The following COG5 variants were observed in gnomAD, a reference collection of about 807,000 sequenced individuals.
COG5 encodes conserved oligomeric Golgi complex subunit 5.
In COG5, 86 loss-of-function variants were observed where a neutral mutation model predicts 110.4. The observed-to-expected ratio is 0.78, with a 90% CI of 0.65 to 0.93. COG5 has a LOEUF of 0.93. Among genes scored for constraint, COG5 ranks in the 40% least tolerant of loss-of-function variants. COG5 has a pLI of 0.00. For synonymous variants in COG5, 360 were observed against 334.6 expected, an observed-to-expected ratio of 1.08 and a Z score of -0.83; for missense variants, 1,077 against 987.0, an observed-to-expected ratio of 1.09 and a Z score of -1.22.
intron 17 of COG5, among the ~76,000 whole-genome samples, chr7:107,246,060 G>A (rs1257302488): frequency 6.6e-6 from 1 of 152,086 alleles, no homozygotes; most frequent in Non-Finnish European, 1.5e-5. Flanking sequence ...AAATAAGGTC[G>A]CACATCTGTG....
At chr7:107,283,281 T>C (rs1407121370) in intron 13 of COG5, among the ~76,000 whole-genome samples, 1 of 152,182 alleles carries the variant, frequency 6.6e-6, no homozygotes, top group Non-Finnish European at 1.5e-5. Flanking sequence ...TTGTGTAACG[T>C]AAGAAATTTA....
rs564688419 is a variant in COG5, at chr7:107,398,347, G to T, written c.669+14155C>A. On this transcript the variant is annotated intron_variant, in intron 7 of 21. Transcript: ENST00000297135. ...CCTGGGCTGCTGACCAGTAAGAGTC[G>T]GTGGCTGTTAGGAACTGGGCCACAC... Among the ~76,000 whole-genome samples the T allele has an allele frequency of 3.9e-5, 6 of 152,250 alleles. No individual in the cohort carries two copies. In the South Asian group the frequency reaches 1.2e-3, roughly 32 times the overall value.
chr7:107,311,454 C>T (rs557850745), intron 11 of COG5, among the ~76,000 whole-genome samples: 12 of 130,554 alleles, frequency 9.2e-5, no homozygotes, highest in South Asian at 2.5e-4. Flanking sequence ...ACTGCAGTGG[C>T]GCAATCTCGG....
chr7:107,491,734 A>G (rs775223960), intron 6 of COG5, among the ~76,000 whole-genome samples: 1 of 152,214 alleles, frequency 6.6e-6, no homozygotes, highest in Non-Finnish European at 1.5e-5. Context: ...TCACAATACA[A>G]TGTGAAACAA....
intron 16 of COG5, among the ~76,000 whole-genome samples, chr7:107,249,171 G>T (rs1276700029): frequency 7.2e-5 from 11 of 152,166 alleles, no homozygotes. Context: ...TTAGGTTTCA[G>T]TTGAGAGTTC....
At chr7:107,485,500 T>G (rs1272962802) in intron 6 of COG5, among the ~76,000 whole-genome samples, 7 of 152,288 alleles carry the variant, frequency 4.6e-5, no homozygotes, top group African/African-American at 1.7e-4. Flanking sequence ...GCTTACCAAT[T>G]TTACAATGTA....
rs954201314 is a variant in COG5 at position 107,386,010 on chromosome 7, G to A, written c.670-13250C>T. On this transcript the variant is annotated intron_variant, in intron 7 of 21. Transcript: ENST00000297135. ...GTTTTGTGTGTGTGTGTGTGTGTGT[G>A]TGTGTGTGTGTGTGGTTGAGTTCTG... Among the ~76,000 whole-genome samples the A allele has an allele frequency of 3.3e-5, 5 of 151,704 alleles. No homozygotes were observed. In the South Asian group the frequency reaches 6.3e-4, roughly 19 times the overall value.
intron 19 of COG5, among the ~76,000 whole-genome samples, chr7:107,214,075 T>C (rs745574980): frequency 6.6e-6 from 1 of 151,608 alleles, no homozygotes; most frequent in Non-Finnish European, 1.5e-5. Flanking sequence ...AAACAGAAAC[T>C]ATAACAAAAA....
At chr7:107,514,139 A>G (rs1197086469) in intron 6 of COG5, among the ~76,000 whole-genome samples, 1 of 152,160 alleles carries the variant, frequency 6.6e-6, no homozygotes, top group African/African-American at 2.4e-5. Flanking sequence ...TAAAACTCAG[A>G]AAATAGACCA....
intron 6 of COG5, among the ~76,000 whole-genome samples, chr7:107,435,213 T>A (rs1158391385): frequency 2.0e-5 from 3 of 151,976 alleles, no homozygotes; most frequent in South Asian, 2.1e-4. Flanking sequence ...GGGGAAAAAA[T>A]TCTGGGAATC....
intron 6 of COG5, among the ~76,000 whole-genome samples, chr7:107,468,171 C>A (rs1480581618): frequency 6.6e-6 from 1 of 152,156 alleles, no homozygotes; most frequent in African/African-American, 2.4e-5. Flanking sequence ...CCTAGTACAG[C>A]GTGGTTTGCA....
intron 6 of COG5, among the ~76,000 whole-genome samples, chr7:107,488,995 T>C (rs533326777): frequency 6.6e-6 from 1 of 152,142 alleles, no homozygotes; most frequent in Non-Finnish European, 1.5e-5. Context: ...CAACCAAACA[T>C]TGTGATTTTT....
chr7:107,358,359 T>A (rs1247530429), intron 10 of COG5, among the ~76,000 whole-genome samples: 1 of 152,174 alleles, frequency 6.6e-6, no homozygotes, highest in Non-Finnish European at 1.5e-5. Context: ...TCTGTAAATA[T>A]GAAGGCCCAA....
chr7:107,332,865 G>A (rs1025396896), intron 10 of COG5, among the ~76,000 whole-genome samples: 2 of 151,140 alleles, frequency 1.3e-5, no homozygotes, highest in Admixed American at 1.3e-4. Flanking sequence ...GAGGAAAGAA[G>A]TTGATACCGG....
At chr7:107,240,205 TCTTTA>T (rs1801505777) in intron 17 of COG5, among the ~76,000 whole-genome samples, 1 of 152,178 alleles carries the variant, frequency 6.6e-6, no homozygotes, top group Admixed American at 6.5e-5. Flanking sequence ...TGATGATTAC[TCTTTA>T]CTTATTTATT....
intron 5 of COG5, among the ~76,000 whole-genome samples, chr7:107,540,489 G>A (rs1801897809): frequency 6.6e-6 from 1 of 151,376 alleles, no homozygotes; most frequent in Admixed American, 6.6e-5. Context: ...GGGGCAGGAG[G>A]ATTGCTTGAG....
At chr7:107,352,290 CACA>C (rs1484751687) in intron 10 of COG5, among the ~76,000 whole-genome samples, 3 of 113,400 alleles carry the variant, frequency 2.6e-5, no homozygotes, top group Non-Finnish European at 5.0e-5. Context: ...AGGGGAACAT[CACA>C]CTGTTGTGGG....
At chr7:107,508,932 C>T (rs913166530) in intron 6 of COG5, among the ~76,000 whole-genome samples, 1 of 152,098 alleles carries the variant, frequency 6.6e-6, no homozygotes, top group African/African-American at 2.4e-5. Context: ...GTAGATAAAG[C>T]CACAAAGATG....
Position 107,203,107 on chromosome 7 carries a change from A to G in COG5, c.*409T>C, listed in dbSNP as rs912460078. 5 of 188,390 alleles carry G rather than the reference A, an allele frequency of 2.7e-5. No homozygotes were observed. The highest frequency in any genetic ancestry group is 5.6e-5 in the Non-Finnish European group (5 of 89,330). The allele number at this position is 188,390 out of a possible 1,614,324, so 11.7% of individuals were successfully genotyped here. A position where few individuals can be genotyped will look rare whatever the true frequency, so the allele number is the denominator to read the frequency against. On this transcript the variant is annotated 3_prime_UTR_variant, in exon 22 of 22. Coordinates refer to ENST00000297135, the MANE Select transcript of COG5 (RefSeq NM_006348.5). ...GTATGAATGTGCAGCCAAATTTGGAAACCACTGAGCTACATGCTTATTTAG... is the reference window on the plus strand; with the variant it reads ...GTATGAATGTGCAGCCAAATTTGGAGACCACTGAGCTACATGCTTATTTAG...
Sources: allele counts gnomAD v4.1 joint callset (sites outside exome capture counted in the v4.1 genomes callset), GRCh38; gene constraint gnomAD v4.1.1; transcripts MANE v1.5; gene names NCBI Gene and HGNC (gene_info 2026-07-23, HGNC 2026-07-21).